Variants in NDUFA10 observed in about 807,000 individuals in gnomAD.
NDUFA10 encodes the protein NADH:ubiquinone oxidoreductase subunit A10, also known as NADH dehydrogenase [ubiquinone] 1 alpha subcomplex subunit 10, mitochondrial.
A neutral mutation model predicts 47.8 loss-of-function variants in NDUFA10; 40 were observed. The ratio of observed to expected loss-of-function variants is 0.84; its 90% confidence interval spans 0.65 to 1.09. NDUFA10 has a LOEUF of 1.09. Ranked by LOEUF, NDUFA10 falls within the 50% of genes least tolerant of loss-of-function variation. NDUFA10 has a pLI of 0.00. For missense variants in NDUFA10, 413 were observed against 451.1 expected (o/e 0.92, Z 0.76); for synonymous variants, 183 against 172.2 (o/e 1.06, Z -0.49).
chr2:239,977,761 G>A (rs1338311196), intron 9 of NDUFA10, among the ~76,000 whole-genome samples: 1 of 152,230 alleles, frequency 6.6e-6, no homozygotes, highest in Non-Finnish European at 1.5e-5. Context: ...AGCACCAGTG[G>A]ATTTTAATCA....
chr2:239,941,092 G>A (rs774574287), intron 4 of NDUFA10, among the ~76,000 whole-genome samples: 6 of 152,208 alleles, frequency 3.9e-5, no homozygotes, highest in Non-Finnish European at 5.9e-5. Context: ...TGCAGAAACA[G>A]GCAAGCCAGA....
At chr2:239,966,866 T>C (rs1695089782) in intron 9 of NDUFA10, among the ~76,000 whole-genome samples, 2 of 109,850 alleles carry the variant, frequency 1.8e-5, no homozygotes, top group Non-Finnish European at 3.9e-5. Flanking sequence ...TTTTTTTTTT[T>C]TTTTCCCTAA....
chr2:239,901,560 GT>G (rs1450687273), intron 4 of NDUFA10, among the ~76,000 whole-genome samples: 1 of 151,902 alleles, frequency 6.6e-6, no homozygotes, highest in East Asian at 1.9e-4. Context: ...GGTTCATGTT[GT>G]TTTCACAGCT....
intron 9 of NDUFA10, chr2:239,982,190 C>T (rs1246149321): frequency 1.2e-6 from 2 of 1,612,780 alleles, no homozygotes; most frequent in Non-Finnish European, 1.7e-6. Flanking sequence ...TTGTACTCTG[C>T]ACAGCCCGCT....
At chr2:240,004,473 C>T (rs1011354844) in intron 8 of NDUFA10, among the ~76,000 whole-genome samples, 4 of 152,102 alleles carry the variant, frequency 2.6e-5, no homozygotes, top group South Asian at 2.1e-4. Flanking sequence ...ACCCACCAAA[C>T]GCACCAAGAC....
chr2:240,005,114 C>T, intron 8 of NDUFA10, 96 bp downstream of exon 8: 3 of 1,131,596 alleles, frequency 2.7e-6, no homozygotes, highest in South Asian at 2.5e-5. Context: ...GCTGCTAACA[C>T]CTAACTTGAA....
At chr2:240,007,479 A>T in intron 6 of NDUFA10, 109 bp from the exon 7 acceptor site, 1 of 796,798 alleles carries the variant, frequency 1.3e-6, no homozygotes, top group Non-Finnish European at 2.1e-6. Context: ...AAAACCTCAC[A>T]TTCTCTGCAC....
intron 4 of NDUFA10, among the ~76,000 whole-genome samples, chr2:239,920,601 C>T (rs1006587934): frequency 6.6e-6 from 1 of 152,206 alleles, no homozygotes; most frequent in Non-Finnish European, 1.5e-5. Flanking sequence ...AGCTGTGTCT[C>T]CGTCTCCTTA....
chr2:240,010,854 TTTG>T (rs150272352), intron 6 of NDUFA10, among the ~76,000 whole-genome samples: 9,764 of 152,216 alleles, frequency 0.064, 1,053 homozygotes, highest in African/African-American at 0.22. Context: ...TTGCTATACT[TTTG>T]TTTTTATTCA....
intron 9 of NDUFA10, among the ~76,000 whole-genome samples, chr2:239,972,589 C>T (rs549688088): frequency 3.9e-5 from 6 of 152,024 alleles, no homozygotes; most frequent in Non-Finnish European, 8.8e-5. Flanking sequence ...GAACACAAAT[C>T]GAATGTAACA....
chr2:239,931,043 G>A (rs1183214299), intron 4 of NDUFA10, among the ~76,000 whole-genome samples: 1 of 152,196 alleles, frequency 6.6e-6, no homozygotes, highest in Non-Finnish European at 1.5e-5. Context: ...TTTTAGGGCC[G>A]TGGGAGCCTC....
intron 6 of NDUFA10, 137 bp downstream of exon 6, chr2:240,011,480 T>C: frequency 1.4e-6 from 1 of 716,026 alleles, no homozygotes; most frequent in Non-Finnish European, 2.5e-6. Flanking sequence ...TTTTTCTTAT[T>C]TATAAACATC....
chr2:239,904,533 G>A (rs554003630), intron 4 of NDUFA10, among the ~76,000 whole-genome samples: 4 of 152,254 alleles, frequency 2.6e-5, no homozygotes, highest in South Asian at 4.1e-4. Flanking sequence ...GACCTCAAGC[G>A]ATCTGCCTGT....
At chr2:240,006,464 G>A (rs557772050) in intron 7 of NDUFA10, among the ~76,000 whole-genome samples, 4 of 152,234 alleles carry the variant, frequency 2.6e-5, no homozygotes, top group African/African-American at 4.8e-5. Flanking sequence ...ACTGAAGCAC[G>A]CTTGTCACCC....
At chr2:240,010,287 A>C (rs1169478672) in intron 6 of NDUFA10, among the ~76,000 whole-genome samples, 1 of 152,212 alleles carries the variant, frequency 6.6e-6, no homozygotes. Flanking sequence ...ACACAGCAAG[A>C]CCAAGTGGTA....
At chr2:239,954,375 G>A (rs1280255485), downstream of NDUFA10, among the ~76,000 whole-genome samples, 1 of 152,270 alleles carries the variant, frequency 6.6e-6, no homozygotes, top group Non-Finnish European at 1.5e-5. Flanking sequence ...TCAGGGTTGT[G>A]AAAGTGGGCT....
chr2:239,946,382 C>T (rs1473214199), intron 4 of NDUFA10, among the ~76,000 whole-genome samples: 1 of 152,228 alleles, frequency 6.6e-6, no homozygotes, highest in East Asian at 1.9e-4. Context: ...TCCCTTGCCA[C>T]CCTCTGTGGA....
chr2:239,920,008 G>A (rs1188548348), intron 4 of NDUFA10, among the ~76,000 whole-genome samples: 3 of 152,178 alleles, frequency 2.0e-5, no homozygotes, highest in African/African-American at 7.2e-5. Flanking sequence ...GCACCTGTGA[G>A]ATTGGGGGCC....
In NDUFA10 at chr2:239,990,152, G is replaced by A. The variant is rs1285279127; in HGVS notation, c.921C>T (p.Tyr307=). 3 of 1,613,736 alleles carry A rather than the reference G, an allele frequency of 1.9e-6. No individual in the cohort carries two copies. The highest frequency in any genetic ancestry group is 1.3e-5 in the African/African-American group (1 of 74,910). Reference sequence around the variant, plus strand: ...CCGGGAGAAAGATAGGAATGCTTGTGTAATTCAGCACCTCAAACTTATCCT... The same window carrying A: ...CCGGGAGAAAGATAGGAATGCTTGTATAATTCAGCACCTCAAACTTATCCT... ...LVQDKFEVLN[Y]TSIPIFLPEV... The change falls in exon 9 of 10, where the codon TAC becomes TAT. Residue 307 remains tyrosine, a synonymous_variant. Transcript: ENST00000252711.
Sources: allele counts gnomAD v4.1 joint callset (sites outside exome capture counted in the v4.1 genomes callset), GRCh38; gene constraint gnomAD v4.1.1; transcripts MANE v1.5; gene names NCBI Gene and HGNC (gene_info 2026-07-23, HGNC 2026-07-21).